Variants in KBTBD11 observed in about 807,000 individuals in gnomAD.
KBTBD11 encodes the protein kelch repeat and BTB domain-containing protein 11.
For missense variants in KBTBD11, 1,390 were observed against 1,001.8 expected (o/e 1.39, Z -5.23); for synonymous variants, 747 against 499.0 (o/e 1.50, Z -6.63).
intron 1 of KBTBD11, chr8:1,974,376 A>G: frequency 2.0e-6 from 2 of 984,358 alleles, no homozygotes; most frequent in Non-Finnish European, 2.4e-6. Flanking sequence ...GCACGGAAGC[A>G]GGAGCAGAAG....
chr8:1,986,625 G>A (rs188731872), intron 1 of KBTBD11, among the ~76,000 whole-genome samples: 2 of 152,172 alleles, frequency 1.3e-5, no homozygotes, highest in Non-Finnish European at 2.9e-5. Context: ...GAGGCATGAA[G>A]AATTCTTACC....
At chr8:1,991,452 C>T (rs1237104707) in intron 1 of KBTBD11, among the ~76,000 whole-genome samples, 1 of 152,248 alleles carries the variant, frequency 6.6e-6, no homozygotes, top group Non-Finnish European at 1.5e-5. Context: ...GGGTCTCACT[C>T]TCCTGTCCTC....
chr8:1,997,432 T>G (rs2129315038), intron 1 of KBTBD11, among the ~76,000 whole-genome samples: 1 of 151,708 alleles, frequency 6.6e-6, no homozygotes, highest in Middle Eastern at 3.4e-3. Flanking sequence ...AATGTTGAGT[T>G]TCTTTTAACA....
At chr8:1,984,516 T>C (rs1816648590) in intron 1 of KBTBD11, among the ~76,000 whole-genome samples, 1 of 152,034 alleles carries the variant, frequency 6.6e-6, no homozygotes, top group Non-Finnish European at 1.5e-5. Context: ...CTCAGTTTCC[T>C]GACCTTGCGA....
chr8:1,981,269 C>T (rs1816531800), intron 1 of KBTBD11, among the ~76,000 whole-genome samples: 1 of 152,156 alleles, frequency 6.6e-6, no homozygotes, highest in African/African-American at 2.4e-5. Context: ...ACCACCAGAC[C>T]TGTCTTATAA....
chr8:1,999,875 G>C (rs1196665510), intron 1 of KBTBD11, among the ~76,000 whole-genome samples: 1 of 152,186 alleles, frequency 6.6e-6, no homozygotes, highest in Non-Finnish European at 1.5e-5. Context: ...ACACAATCCA[G>C]TCATGCTTTC....
rs193038148 is a variant in KBTBD11, at chr8:1,974,622, G to A, written c.-909+687G>A. The stretch of plus-strand genomic sequence containing the variant: ...CGCGACCCACCCGCCCCACCGCGCC[G>A]CGGCTCCCGAGTCCTGCCGGGCGCC... On this transcript the variant is annotated intron_variant, in intron 1 of 1. Transcript: ENST00000320248. The A allele has an allele frequency of 1.0e-4, 100 of 985,154 alleles. No individual in the cohort carries two copies. The East Asian group carries it at 9.6e-3, about 94-fold the overall frequency. 61.0% of individuals were successfully genotyped at this position (985,154 alleles called of 1,614,324 possible).
In KBTBD11 at chr8:2,006,759, A is replaced by G. The variant is rs766393903; in HGVS notation, c.*3695A>G. 2 of 167,146 alleles carry G rather than the reference A, an allele frequency of 1.2e-5. No homozygotes were observed. Among genetic ancestry groups the G allele is most frequent in the Non-Finnish European group, 2.9e-5 (2 of 68,130 alleles). 10.4% of individuals were successfully genotyped at this position (167,146 alleles called of 1,614,324 possible). A position where few individuals can be genotyped will look rare whatever the true frequency, so the allele number is the denominator to read the frequency against. On this transcript the variant is annotated 3_prime_UTR_variant, in exon 2 of 2. Coordinates refer to ENST00000320248, the MANE Select transcript of KBTBD11 (RefSeq NM_014867.3). ...CTCTAAGCGATTCTCAAATGTTACCATTTATTAAAGGTAAACTACACCTGT... is the reference window on the plus strand; with the variant it reads ...CTCTAAGCGATTCTCAAATGTTACCGTTTATTAAAGGTAAACTACACCTGT...
At position 1,980,823 on chromosome 8, in the gene KBTBD11, G is replaced by A. The variant is rs565307706; in HGVS notation, c.-909+6888G>A. On this transcript the variant is annotated intron_variant, in intron 1 of 1. Coordinates refer to ENST00000320248, the MANE Select transcript of KBTBD11 (RefSeq NM_014867.3). Reference sequence around the variant, plus strand: ...AGCGAGAGCAGATGAATGCCTTACCGTTTTCGGCACGACTTTAACAATCTG... The same window carrying A: ...AGCGAGAGCAGATGAATGCCTTACCATTTTCGGCACGACTTTAACAATCTG... Among the ~76,000 whole-genome samples the A allele has an allele frequency of 5.3e-5, 8 of 152,320 alleles. No individual in the cohort carries two copies. In the East Asian group the frequency reaches 1.2e-3, roughly 22 times the overall value.
rs531024205 is a variant in KBTBD11 at position 1,983,281 on chromosome 8, G to A, written c.-909+9346G>A. Among the ~76,000 whole-genome samples the A allele has an allele frequency of 2.0e-5, 3 of 152,304 alleles. No homozygotes were observed. The South Asian group carries it at 6.2e-4, about 32-fold the overall frequency. ...TGCACCCCCATGCTCCAAAAAGGAT[G>A]ACCTCATCTAGGCCAGGTCATCACA... On this transcript the variant is annotated intron_variant, in intron 1 of 1. Transcript: ENST00000320248.
In KBTBD11 at chr8:2,001,411, G is replaced by A; in HGVS notation, c.219G>A (p.Val73=). 1.4e-6 allele frequency: 2 copies of A among 1,400,886 alleles called. No individual in the cohort carries two copies. The highest frequency in any genetic ancestry group is 3.0e-5 in the East Asian group (1 of 32,944). The allele number at this position is 1,400,886 out of a possible 1,614,324, so 86.8% of individuals were successfully genotyped here. Residue 73 remains valine (V), a synonymous_variant, in exon 2 of 2, where the codon GTG becomes GTA. Coordinates refer to ENST00000320248, the MANE Select transcript of KBTBD11 (RefSeq NM_014867.3). ...TSPPSSGGPR[V]VERQWEAGSA... is the part of the protein sequence containing the mutation. ...CGCCCTCCAGCGGTGGCCCGCGGGTGGTGGAGCGGCAGTGGGAGGCCGGCA... is the reference window on the plus strand; with the variant it reads ...CGCCCTCCAGCGGTGGCCCGCGGGTAGTGGAGCGGCAGTGGGAGGCCGGCA...
At position 2,002,440 on chromosome 8, in the gene KBTBD11, C is replaced by G; in HGVS notation, c.1248C>G (p.Ala416=). 6.6e-7 allele frequency: 1 copy of G among 1,505,622 alleles called. No individual in the cohort carries two copies. Among genetic ancestry groups the G allele is most frequent in the Non-Finnish European group, 8.8e-7 (1 of 1,134,572 alleles). 93.3% of individuals were successfully genotyped at this position (1,505,622 alleles called of 1,614,324 possible). ...TGGCCCTGGACGGTCACCTCTACGC[C>G]GTGGGCGGCGAGTGCCTGCTCAGCG... ...RLLALDGHLY[A]VGGECLLSVE... is the part of the protein sequence containing the mutation. The change falls in exon 2 of 2, where the codon GCC becomes GCG. Residue 416 remains alanine (A), a synonymous_variant. Transcript: ENST00000320248. The surrounding 1 kb of genome is among the most constrained non-coding windows in gnomAD (Gnocchi z 4.1).
chr8:1,990,327 C>A (rs1012273348), intron 1 of KBTBD11, among the ~76,000 whole-genome samples: 1 of 121,072 alleles, frequency 8.3e-6, no homozygotes, highest in Non-Finnish European at 1.7e-5. Flanking sequence ...GGCCTTGGTG[C>A]CCTGTCTGGG....
chr8:1,989,895 T>C (rs1025268769), intron 1 of KBTBD11, among the ~76,000 whole-genome samples: 8 of 144,968 alleles, frequency 5.5e-5, no homozygotes, highest in African/African-American at 2.0e-4. Flanking sequence ...GCCAGCTCAC[T>C]AGGGAACAGA....
At chr8:1,981,170 C>T (rs974111277) in intron 1 of KBTBD11, among the ~76,000 whole-genome samples, 1 of 152,114 alleles carries the variant, frequency 6.6e-6, no homozygotes, top group Non-Finnish European at 1.5e-5. Context: ...ACTTGCCAAC[C>T]AAGATTTCTG....
At chr8:1,990,204 C>T (rs1045828909) in intron 1 of KBTBD11, among the ~76,000 whole-genome samples, 2 of 151,488 alleles carry the variant, frequency 1.3e-5, no homozygotes, top group African/African-American at 4.9e-5. Flanking sequence ...GGCCTTGGCG[C>T]CCTGTCCAGG....
At chr8:1,982,745 C>CT (rs869039541) in intron 1 of KBTBD11, among the ~76,000 whole-genome samples, 15,482 of 141,486 alleles carry the variant, frequency 0.11, 1,194 homozygotes, top group African/African-American at 0.23. Context: ...TTGCTGAGCA[C>CT]TTTTTTTTTT....
At chr8:1,992,263 G>C (rs1816947348) in intron 1 of KBTBD11, among the ~76,000 whole-genome samples, 1 of 152,100 alleles carries the variant, frequency 6.6e-6, no homozygotes, top group African/African-American at 2.4e-5. Flanking sequence ...CTGCCTCCCA[G>C]GGTGTTTGAA....
chr8:1,999,915 C>G (rs73546558), intron 1 of KBTBD11, among the ~76,000 whole-genome samples: 9,108 of 152,262 alleles, frequency 0.06, 905 homozygotes, highest in African/African-American at 0.21. Context: ...ATGCTACTTA[C>G]ACTTTTTATG....
Sources: allele counts gnomAD v4.1 joint callset (sites outside exome capture counted in the v4.1 genomes callset), GRCh38; gene constraint gnomAD v4.1.1; non-coding constraint Gnocchi (gnomAD v3.1); transcripts MANE v1.5; gene names NCBI Gene and HGNC (gene_info 2026-07-23, HGNC 2026-07-21).